The following FAM184A variants were observed in gnomAD, a reference collection of about 807,000 sequenced individuals.
The protein encoded by FAM184A is protein FAM184A.
A neutral mutation model predicts 143.8 loss-of-function variants in FAM184A; 99 were observed. That is an observed-to-expected ratio of 0.69 (90% confidence interval 0.58 to 0.81). FAM184A has a LOEUF of 0.81. FAM184A is among the 40% of genes least tolerant of loss of function. The pLI is 0.00. For missense variants in FAM184A, 1,217 were observed against 1,310.5 expected (o/e 0.93, Z 1.10); for synonymous variants, 427 against 446.4 (o/e 0.96, Z 0.55).
intron 16 of FAM184A, chr6:118,962,706 G>A (rs1460658730): frequency 3.3e-5 from 5 of 151,948 alleles, no homozygotes; most frequent in African/African-American, 1.2e-4. Flanking sequence ...AAAATTAAGA[G>A]ATAAAAAGAC....
At chr6:119,065,582 C>T (rs1039921691) in intron 1 of FAM184A, among the ~76,000 whole-genome samples, 5 of 152,178 alleles carry the variant, frequency 3.3e-5, no homozygotes, top group Admixed American at 1.3e-4. Flanking sequence ...CATCTAGTCA[C>T]TCATTCACTC....
intron 16 of FAM184A, 61 bp downstream of exon 16, chr6:118,964,606 C>A: frequency 1.1e-6 from 1 of 900,260 alleles, no homozygotes; most frequent in South Asian, 1.9e-5. Flanking sequence ...CAAATATTTT[C>A]ACCAAATTTT....
intron 16 of FAM184A, chr6:118,962,568 A>T (rs953367936): frequency 4.6e-5 from 7 of 151,920 alleles, no homozygotes; most frequent in Non-Finnish European, 1.0e-4. Flanking sequence ...TTCTGAAGAG[A>T]GAAAGTTATA....
chr6:119,083,101 C>T (rs1247812899), upstream of FAM184A, among the ~76,000 whole-genome samples: 4 of 152,224 alleles, frequency 2.6e-5, no homozygotes. Flanking sequence ...GGATTACACC[C>T]TCTGAAGCAA....
At chr6:119,034,148 G>T (rs1786020724) in intron 1 of FAM184A, among the ~76,000 whole-genome samples, 2 of 147,350 alleles carry the variant, frequency 1.4e-5, no homozygotes, top group South Asian at 4.3e-4. Flanking sequence ...ATATTAAAAT[G>T]AGGAGATCAT....
chr6:119,110,674 A>G (rs1788908898), intron 1 of FAM184A, among the ~76,000 whole-genome samples: 1 of 152,182 alleles, frequency 6.6e-6, no homozygotes, highest in African/African-American at 2.4e-5. Flanking sequence ...TGGCTGAGAC[A>G]TTTCAGGCAA....
At chr6:118,972,659 T>C (rs1261661300) in intron 14 of FAM184A, among the ~76,000 whole-genome samples, 1 of 152,226 alleles carries the variant, frequency 6.6e-6, no homozygotes, top group Non-Finnish European at 1.5e-5. Flanking sequence ...AGATTCATAA[T>C]GTGCAAAACC....
At chr6:119,137,260 CTG>C (rs35354644) in intron 1 of FAM184A, among the ~76,000 whole-genome samples, 76,030 of 151,568 alleles carry the variant, frequency 0.5, 21,103 homozygotes, top group African/African-American at 0.75. Context: ...GGTCTTTCTT[CTG>C]TGTGTGTGTG....
intron 9 of FAM184A, among the ~76,000 whole-genome samples, chr6:118,984,156 A>ATATAT (rs1291999363): frequency 2.5e-5 from 3 of 120,868 alleles, no homozygotes; most frequent in Non-Finnish European, 5.1e-5. Flanking sequence ...ATTTAAAAAA[A>ATATAT]AAATATATAT....
At chr6:119,142,170 C>G (rs1474251392) in intron 1 of FAM184A, among the ~76,000 whole-genome samples, 1 of 152,164 alleles carries the variant, frequency 6.6e-6, no homozygotes, top group African/African-American at 2.4e-5. Flanking sequence ...TTATGCAGGA[C>G]TCGGGCGAAC....
At chr6:118,983,199 T>TA (rs1485356988) in intron 9 of FAM184A, among the ~76,000 whole-genome samples, 3 of 152,186 alleles carry the variant, frequency 2.0e-5, no homozygotes, top group Non-Finnish European at 4.4e-5. Context: ...TTGTTCTTTT[T>TA]AAAAACAAGT....
At chr6:119,035,897 CA>C (rs1786094988) in intron 1 of FAM184A, among the ~76,000 whole-genome samples, 3 of 152,098 alleles carry the variant, frequency 2.0e-5, no homozygotes, top group Admixed American at 6.5e-5. Context: ...TGTATAAAAC[CA>C]AGCTATAGCC....
At chr6:119,085,348 T>C (rs1387683874) in intron 1 of FAM184A, among the ~76,000 whole-genome samples, 1 of 152,210 alleles carries the variant, frequency 6.6e-6, no homozygotes, top group African/African-American at 2.4e-5. Flanking sequence ...AAGTTCAAAG[T>C]TCCACAGATC....
upstream of FAM184A, among the ~76,000 whole-genome samples, chr6:119,083,191 A>G (rs1788119440): frequency 6.6e-6 from 1 of 152,244 alleles, no homozygotes; most frequent in South Asian, 2.1e-4. Context: ...CAAAGTGGCA[A>G]GGCCTTGGGC....
At chr6:119,019,153 GT>G (rs1383526220) in intron 4 of FAM184A, among the ~76,000 whole-genome samples, 3 of 152,186 alleles carry the variant, frequency 2.0e-5, no homozygotes, top group Non-Finnish European at 4.4e-5. Context: ...AACATCAATG[GT>G]AAGGGAACAG....
intron 15 of FAM184A, 41 bp from the exon 16 acceptor site, chr6:118,964,812 T>C (rs1406835547): frequency 4.6e-6 from 5 of 1,075,642 alleles, no homozygotes; most frequent in Middle Eastern, 2.6e-4. Flanking sequence ...ATATTTTCTA[T>C]GGAATATTTT....
chr6:118,975,831 T>C, intron 12 of FAM184A, 86 bp downstream of exon 12: 1 of 1,285,102 alleles, frequency 7.8e-7, no homozygotes, highest in Non-Finnish European at 1.1e-6. Context: ...GAAAATAAGT[T>C]ATTACAAAAT....
At chr6:119,102,263 G>A (rs1455372814) in intron 1 of FAM184A, among the ~76,000 whole-genome samples, 2 of 151,944 alleles carry the variant, frequency 1.3e-5, no homozygotes, top group African/African-American at 4.8e-5. Context: ...GTAAGATATT[G>A]GCCCTTTAGG....
chr6:118,982,548 T>C (rs2114587572), intron 9 of FAM184A, among the ~76,000 whole-genome samples: 1 of 152,330 alleles, frequency 6.6e-6, no homozygotes, highest in Admixed American at 6.5e-5. Flanking sequence ...CAGATCTGTG[T>C]CCATCCAAAA....
Sources: allele counts gnomAD v4.1 joint callset (sites outside exome capture counted in the v4.1 genomes callset), GRCh38; gene constraint gnomAD v4.1.1; transcripts MANE v1.5; gene names NCBI Gene and HGNC (gene_info 2026-07-23, HGNC 2026-07-21).